Variants in ADGRB3 observed in about 807,000 individuals in gnomAD.
ADGRB3 encodes adhesion G protein-coupled receptor B3.
Under a neutral mutation model 193.4 loss-of-function variants are expected in ADGRB3, and 37 were observed. That is an observed-to-expected ratio of 0.19 (90% confidence interval 0.15 to 0.25). The LOEUF (loss-of-function observed/expected upper bound fraction) is 0.25. Among genes scored for constraint, ADGRB3 ranks in the 10% least tolerant of loss-of-function variants. The pLI is 1.00. For synonymous variants in ADGRB3, 690 were observed against 644.2 expected (o/e 1.07, Z -1.08); for missense variants, 1,637 against 1,852.9 (o/e 0.88, Z 2.14).
rs545399913 is a variant in ADGRB3, at chr6:69,041,433, G to A, written c.2108-6752G>A. ...TGATAAGTGAGAATTTTATTTCTCA[G>A]ATGAAATCATTATGTCTGTCTTTTA... On this transcript the variant is annotated intron_variant, in intron 13 of 31. Transcript: ENST00000370598. Among the ~76,000 whole-genome samples the A allele has an allele frequency of 7.0e-4, 107 of 152,242 alleles. 1 individual carries two copies. Among genetic ancestry groups the A allele is most frequent in the African/African-American group, 2.5e-3 (102 of 41,554 alleles).
At chr6:69,278,866 C>A (rs1767357498) in intron 20 of ADGRB3, among the ~76,000 whole-genome samples, 1 of 151,444 alleles carries the variant, frequency 6.6e-6, no homozygotes, top group South Asian at 2.1e-4. Flanking sequence ...TAACCAATAC[C>A]TGGCATAGAG....
intron 3 of ADGRB3, among the ~76,000 whole-genome samples, chr6:68,759,930 T>A (rs1766366161): frequency 6.6e-6 from 1 of 152,138 alleles, no homozygotes; most frequent in Non-Finnish European, 1.5e-5. Flanking sequence ...ATTCATTAAA[T>A]AAAATAATAT....
intron 26 of ADGRB3, among the ~76,000 whole-genome samples, chr6:69,347,940 A>G (rs183187872): frequency 2.9e-4 from 44 of 152,320 alleles, no homozygotes; most frequent in Admixed American, 6.5e-5. Flanking sequence ...CAATATGCTC[A>G]TATTCTTATA....
At chr6:68,797,093 C>T (rs1011591716) in intron 3 of ADGRB3, among the ~76,000 whole-genome samples, 1 of 152,136 alleles carries the variant, frequency 6.6e-6, no homozygotes, top group African/African-American at 2.4e-5. Flanking sequence ...TGACACGGAA[C>T]TGAAGGAGCC....
At chr6:68,660,141 C>A (rs1768590587) in intron 3 of ADGRB3, among the ~76,000 whole-genome samples, 1 of 150,404 alleles carries the variant, frequency 6.6e-6, no homozygotes, top group African/African-American at 2.4e-5. Flanking sequence ...TAGTAATAGC[C>A]AATGTCATAT....
At chr6:68,676,407 AAAAAG>A (rs1554169273) in intron 3 of ADGRB3, among the ~76,000 whole-genome samples, 1 of 148,262 alleles carries the variant, frequency 6.7e-6, no homozygotes, top group Non-Finnish European at 1.5e-5. Context: ...AAAAAAAAAA[AAAAAG>A]AAAAGGAGAG....
intron 3 of ADGRB3, among the ~76,000 whole-genome samples, chr6:68,682,100 A>T (rs1169384009): frequency 6.6e-6 from 1 of 152,220 alleles, no homozygotes; most frequent in African/African-American, 2.4e-5. Context: ...CCAGTTGCAG[A>T]TGAGTGTCTT....
intron 20 of ADGRB3, among the ~76,000 whole-genome samples, chr6:69,272,160 T>G (rs982851946): frequency 6.6e-6 from 1 of 152,170 alleles, no homozygotes; most frequent in Non-Finnish European, 1.5e-5. Context: ...TATAAACAAT[T>G]GGTCCTAATA....
At chr6:68,893,958 G>A (rs937185685) in intron 3 of ADGRB3, among the ~76,000 whole-genome samples, 1 of 151,734 alleles carries the variant, frequency 6.6e-6, no homozygotes, top group African/African-American at 2.4e-5. Context: ...TTTCTTAAAT[G>A]AGCATAGATG....
chr6:69,001,754 A>G (rs188012004), intron 11 of ADGRB3, among the ~76,000 whole-genome samples: 1 of 152,336 alleles, frequency 6.6e-6, no homozygotes, highest in Non-Finnish European at 1.5e-5. Flanking sequence ...TCTGAATGCA[A>G]GGACCAGTCT....
intron 11 of ADGRB3, among the ~76,000 whole-genome samples, chr6:69,009,512 T>C (rs1000784915): frequency 2.0e-5 from 3 of 151,628 alleles, no homozygotes; most frequent in African/African-American, 7.3e-5. Flanking sequence ...ACAAATAGAG[T>C]ATGGGGCAGG....
chr6:68,727,345 AAGACTAGAAATT>A (rs1323732754), intron 3 of ADGRB3, among the ~76,000 whole-genome samples: 3 of 151,648 alleles, frequency 2.0e-5, no homozygotes, highest in Non-Finnish European at 4.4e-5. Context: ...AAAATAATTT[AAGACTAGAAATT>A]AGGAATTCTT....
intron 20 of ADGRB3, among the ~76,000 whole-genome samples, chr6:69,297,678 G>A (rs530723507): frequency 6.6e-6 from 1 of 152,060 alleles, no homozygotes; most frequent in Admixed American, 6.6e-5. Flanking sequence ...GGGTGAATAT[G>A]TTGGTAATTT....
rs184693012 is a variant in ADGRB3 at position 68,873,604 on chromosome 6, T to C, written c.758-56955T>C. 1.4e-3 allele frequency among the ~76,000 whole-genome samples: 217 copies of C among 152,272 alleles called. 2 individuals carry two copies. The highest frequency in any genetic ancestry group is 5.1e-3 in the African/African-American group (214 of 41,584). ...TGAGGGAAATTTCATGATTAACCAA[T>C]GCCTTCAATTGTTATTTTCAATGAT... On this transcript the variant is annotated intron_variant, in intron 3 of 31. Transcript: ENST00000370598.
intron 17 of ADGRB3, among the ~76,000 whole-genome samples, chr6:69,221,778 A>G (rs1293271116): frequency 6.6e-6 from 1 of 152,176 alleles, no homozygotes; most frequent in African/African-American, 2.4e-5. Flanking sequence ...GTTTCCACTG[A>G]TAATTTCTTG....
rs778829092 is a variant in ADGRB3 at position 69,075,950 on chromosome 6, A to G, written c.2437-45A>G. 1.3e-5 allele frequency: 19 copies of G among 1,409,326 alleles called. No individual in the cohort carries two copies. The Admixed American group carries it at 3.1e-4, about 23-fold the overall frequency. The allele number at this position is 1,409,326 out of a possible 1,614,324, so 87.3% of individuals were successfully genotyped here. On this transcript the variant is annotated intron_variant, in intron 16 of 31. Coordinates refer to ENST00000370598, the MANE Select transcript of ADGRB3 (RefSeq NM_001704.3). ...TCACATAATCCCTCAATCTTTTTAT[A>G]TATGTACTCAAGATATATGCATTCT...
At position 68,930,640 on chromosome 6, in the gene ADGRB3, C is replaced by A; in HGVS notation, c.839C>A (p.Ala280Asp). ...VHEKRVPQEQ[A>D]DAAKFMAQTG... ...GAAAAAAGGGTCCCTCAGGAACAAG[C>A]TGATGCTGCTAAATTTATGGCACAA... Residue 280 changes from alanine (A) to aspartate (D), a missense_variant, in exon 4 of 32, where the codon GCT (alanine) becomes GAT (aspartate). Ala to Asp is a moderately radical substitution (Grantham distance 126, BLOSUM62 -2). Coordinates refer to ENST00000370598, the MANE Select transcript of ADGRB3 (RefSeq NM_001704.3). 1.2e-6 allele frequency: 2 copies of A among 1,610,836 alleles called. No individual in the cohort carries two copies. Among genetic ancestry groups the A allele is most frequent in the Non-Finnish European group, 1.7e-6 (2 of 1,178,112 alleles).
chr6:68,717,313 G>C (rs1050626295), intron 3 of ADGRB3, among the ~76,000 whole-genome samples: 4 of 151,602 alleles, frequency 2.6e-5, no homozygotes, highest in African/African-American at 9.7e-5. Flanking sequence ...TAGAGCCACA[G>C]TTATAGATGC....
At chr6:69,388,562 C>T in intron 31 of ADGRB3, 141 bp from the exon 32 acceptor site, 1 of 732,654 alleles carries the variant, frequency 1.4e-6, no homozygotes, top group South Asian at 2.3e-5. Context: ...AACTATTTCC[C>T]ACAGTTGGCC....
Sources: gnomAD v4.1 joint callset for allele counts (sites outside exome capture counted in the v4.1 genomes callset) on GRCh38, gnomAD v4.1.1 for gene constraint, MANE v1.5 for transcripts, NCBI Gene and HGNC (gene_info 2026-07-23, HGNC 2026-07-21) for gene names.